SGTB: variants seen among roughly 807,000 people sequenced by gnomAD.
The protein encoded by SGTB is small glutamine-rich tetratricopeptide repeat-containing protein beta.
In SGTB, 19 loss-of-function variants were observed where a neutral mutation model predicts 43.9. The ratio of observed to expected loss-of-function variants is 0.43; its 90% CI spans 0.30 to 0.63. The LOEUF (loss-of-function observed/expected upper bound fraction) is 0.63. SGTB is among the 30% of genes least tolerant of loss of function. The probability of loss-of-function intolerance (pLI) is 0.12; values close to 1 mark genes in which losing one functional copy is unlikely to be tolerated. For synonymous variants in SGTB, 116 were observed against 117.3 expected (o/e 0.99, Z 0.07); for missense variants, 304 against 358.9 (o/e 0.85, Z 1.24).
At chr5:65,697,045 A>G (rs1757728786) in intron 5 of SGTB, among the ~76,000 whole-genome samples, 2 of 152,194 alleles carry the variant, frequency 1.3e-5, no homozygotes, top group South Asian at 4.1e-4. Flanking sequence ...GGCTATTCTG[A>G]GCTTTCAATT....
chr5:65,704,377 G>A lies in SGTB; in HGVS notation c.276C>T (p.Gly92=). ...AATTTTCTTCTTTCATGTGGTTATT[G>A]CCTAAAATAAAGTAACCAGTATGTA... The part of the protein sequence containing the change: ...VGKADQLKDE[G]NNHMKEENYA... Residue 92 remains glycine (G), a splice_region_variant and synonymous_variant, in exon 5 of 11, where the codon GGC becomes GGT. Transcript: ENST00000381007. The A allele has an allele frequency of 6.2e-7, 1 of 1,608,776 alleles. No homozygotes were observed. Among genetic ancestry groups the A allele is most frequent in the Non-Finnish European group, 8.5e-7 (1 of 1,177,040 alleles).
rs961018111 is a variant in SGTB, at chr5:65,667,998, G to T, written c.*2248C>A. The T allele has an allele frequency of 1.3e-5, 2 of 149,714 alleles. No homozygotes were observed. The highest frequency in any genetic ancestry group is 5.0e-5 in the African/African-American group (2 of 40,282). The allele number at this position is 149,714 out of a possible 1,614,324, so 9.3% of individuals were successfully genotyped here. A position where few individuals can be genotyped will look rare whatever the true frequency, so the allele number is the denominator to read the frequency against. On this transcript the variant is annotated 3_prime_UTR_variant, in exon 11 of 11. Transcript: ENST00000381007. The stretch of plus-strand genomic sequence containing the variant: ...AATGGAGTCTTGCTCTGTCACCCAG[G>T]CTGGAGTGCAGTGGCGCAATCTTGG...
intron 5 of SGTB, among the ~76,000 whole-genome samples, chr5:65,696,930 T>C (rs1757726952): frequency 6.6e-6 from 1 of 152,194 alleles, no homozygotes; most frequent in South Asian, 2.1e-4. Flanking sequence ...AAAAGTCAGT[T>C]CTATAAAAAG....
chr5:65,689,972 G>C (rs1333165492), intron 5 of SGTB, among the ~76,000 whole-genome samples: 3 of 152,008 alleles, frequency 2.0e-5, no homozygotes, highest in Admixed American at 2.0e-4. Context: ...GTGAAAAAGT[G>C]GTATGGGTTT....
At chr5:65,686,870 G>C (rs1303955875) in intron 5 of SGTB, among the ~76,000 whole-genome samples, 3 of 152,142 alleles carry the variant, frequency 2.0e-5, no homozygotes, top group African/African-American at 7.2e-5. Context: ...TATTTCTTAA[G>C]TATGTTCTAA....
At chr5:65,683,052 A>G (rs1485002200) in intron 6 of SGTB, among the ~76,000 whole-genome samples, 2 of 152,088 alleles carry the variant, frequency 1.3e-5, no homozygotes, top group Non-Finnish European at 2.9e-5. Context: ...TTGAACTCAT[A>G]GCCAACGGCA....
chr5:65,680,348 A>T (rs1390264145), intron 8 of SGTB, 146 bp downstream of exon 8: 1 of 780,856 alleles, frequency 1.3e-6, no homozygotes, highest in Non-Finnish European at 2.0e-6. Context: ...AGTTGGAAAT[A>T]AAAAAACAGA....
intron 2 of SGTB, among the ~76,000 whole-genome samples, chr5:65,716,092 A>G (rs545113620): frequency 6.6e-6 from 1 of 152,212 alleles, no homozygotes; most frequent in Admixed American, 6.5e-5. Context: ...TTTAACAGAG[A>G]GTTCAGGGTA....
Position 65,668,961 on chromosome 5 carries a change from T to A in SGTB, c.*1285A>T, listed in dbSNP as rs1233887709. 6.6e-6 allele frequency: 1 copy of A among 152,152 alleles called. No homozygotes were observed. The highest frequency in any genetic ancestry group is 2.4e-5 in the African/African-American group (1 of 41,416). The allele number at this position is 152,152 out of a possible 1,614,324, so 9.4% of individuals were successfully genotyped here. A position where few individuals can be genotyped will look rare whatever the true frequency, so the allele number is the denominator to read the frequency against. On this transcript the variant is annotated 3_prime_UTR_variant, in exon 11 of 11. Transcript: ENST00000381007. ...TTTTTCAGTTTTCCCTCGTAAAACT[T>A]GTGAAGTCATTACATGTCAGCACCA... is the stretch of plus-strand genomic sequence containing the variant.
rs986996701 is a variant in SGTB at position 65,667,477 on chromosome 5, G to A, written c.*2769C>T. 12 of 152,060 alleles carry A rather than the reference G, an allele frequency of 7.9e-5. No individual in the cohort carries two copies. The highest frequency in any genetic ancestry group is 1.5e-4 in the Non-Finnish European group (10 of 67,996). The allele number at this position is 152,060 out of a possible 1,614,324, so 9.4% of individuals were successfully genotyped here. A position where few individuals can be genotyped will look rare whatever the true frequency, so the allele number is the denominator to read the frequency against. On this transcript the variant is annotated 3_prime_UTR_variant, in exon 11 of 11. Transcript: ENST00000381007. Reference sequence around the variant, plus strand: ...TTCTATGTGTTAGTAGTAGTACTTCGTTCTGTGTAATACTGGAATACTAGG... The same window carrying A: ...TTCTATGTGTTAGTAGTAGTACTTCATTCTGTGTAATACTGGAATACTAGG...
rs1197253217 is a variant in SGTB, at chr5:65,672,239, C to G, written c.719+5G>C. Reference sequence around the variant, plus strand: ...AAGTGTAATAAGCTCTTTCTATATACTTACAGCTGTTGAACTTGAGGGTTC... The same window carrying G: ...AAGTGTAATAAGCTCTTTCTATATAGTTACAGCTGTTGAACTTGAGGGTTC... On this transcript the variant is annotated splice_donor_5th_base_variant and intron_variant, in intron 9 of 10. Coordinates refer to ENST00000381007, the MANE Select transcript of SGTB (RefSeq NM_019072.3). 1 of 1,613,936 alleles carries G rather than the reference C, an allele frequency of 6.2e-7. No individual in the cohort carries two copies. The highest frequency in any genetic ancestry group is 1.3e-5 in the African/African-American group (1 of 74,904).
At chr5:65,712,324 C>T (rs1758059104) in intron 3 of SGTB, among the ~76,000 whole-genome samples, 2 of 152,054 alleles carry the variant, frequency 1.3e-5, no homozygotes, top group African/African-American at 4.8e-5. Flanking sequence ...ATGTGGGAGC[C>T]CTAAACTCCC....
chr5:65,692,772 C>A (rs754906764), intron 5 of SGTB, among the ~76,000 whole-genome samples: 1 of 152,140 alleles, frequency 6.6e-6, no homozygotes, highest in African/African-American at 2.4e-5. Context: ...AATTTTCTTA[C>A]ATGTAAATGG....
intron 8 of SGTB, among the ~76,000 whole-genome samples, chr5:65,679,794 C>A (rs1757358864): frequency 6.6e-6 from 1 of 152,188 alleles, no homozygotes; most frequent in Non-Finnish European, 1.5e-5. Context: ...ACCATTCGAC[C>A]CAGCAATCCC....
At chr5:65,686,517 G>GC (rs1448449927) in intron 5 of SGTB, among the ~76,000 whole-genome samples, 1 of 137,364 alleles carries the variant, frequency 7.3e-6, no homozygotes, top group Admixed American at 7.3e-5. Context: ...ACCCACATTT[G>GC]TTTTTTTTTT....
At chr5:65,694,540 A>C (rs1310119735) in intron 5 of SGTB, among the ~76,000 whole-genome samples, 1 of 152,134 alleles carries the variant, frequency 6.6e-6, no homozygotes, top group Non-Finnish European at 1.5e-5. Flanking sequence ...TAGTGACGTG[A>C]CTTCGGCTCA....
chr5:65,696,156 C>A (rs1195410682), intron 5 of SGTB, among the ~76,000 whole-genome samples: 1 of 152,224 alleles, frequency 6.6e-6, no homozygotes, highest in Non-Finnish European at 1.5e-5. Context: ...GCTCTCCAAT[C>A]TGAAATGCCT....
intron 2 of SGTB, among the ~76,000 whole-genome samples, chr5:65,715,066 C>T (rs1758123605): frequency 6.6e-6 from 1 of 152,162 alleles, no homozygotes; most frequent in African/African-American, 2.4e-5. Context: ...TAACCACAGC[C>T]TTGGAACTCA....
chr5:65,720,843 A>G lies in SGTB; in HGVS notation c.-22-14T>C. On this transcript the variant is annotated splice_polypyrimidine_tract_variant and intron_variant, in intron 1 of 10. Transcript: ENST00000381007. ...TAAACACTTTTCCTTGATAAGAAAA[A>G]TGAAAACACTGAACTAAGTTATTTT... The G allele has an allele frequency of 1.9e-6, 3 of 1,600,038 alleles. No homozygotes were observed. In the African/African-American group the frequency reaches 4.0e-5, roughly 22 times the overall value.
Sources: gnomAD v4.1 joint callset for allele counts (sites outside exome capture counted in the v4.1 genomes callset) on GRCh38, gnomAD v4.1.1 for gene constraint, MANE v1.5 for transcripts, NCBI Gene and HGNC (gene_info 2026-07-23, HGNC 2026-07-21) for gene names.